MSH3: variants seen among roughly 807,000 people sequenced by gnomAD.
The protein encoded by MSH3 is DNA mismatch repair protein Msh3.
Under a neutral mutation model 123.3 loss-of-function variants are expected in MSH3, and 106 were observed. That is an observed-to-expected ratio of 0.86 (90% CI 0.73 to 1.01). MSH3 has a LOEUF of 1.01. Among genes scored for constraint, MSH3 ranks in the 50% least tolerant of loss-of-function variants. The pLI, the probability that MSH3 is intolerant of heterozygous loss-of-function variation, is 0.00. For missense variants in MSH3, 1,459 were observed against 1,347.6 expected (o/e 1.08, Z -1.29); for synonymous variants, 515 against 481.4 (o/e 1.07, Z -0.91).
At chr5:80,802,420 AC>A (rs201170046) in intron 19 of MSH3, among the ~76,000 whole-genome samples, 1,599 of 151,526 alleles carry the variant, frequency 0.011, 32 homozygotes, top group African/African-American at 0.037. Context: ...CTTTAAAAAA[AC>A]AAAACAAAAA....
intron 8 of MSH3, 91 bp from the exon 9 acceptor site, chr5:80,725,362 C>CG: frequency 2.7e-6 from 2 of 741,674 alleles, no homozygotes; most frequent in Non-Finnish European, 4.5e-6. Flanking sequence ...AAATCTTTAT[C>CG]TTTTTTTTTT....
At chr5:80,656,331 G>T in intron 1 of MSH3, 80 bp from the exon 2 acceptor site, 1 of 1,572,542 alleles carries the variant, frequency 6.4e-7, no homozygotes. Flanking sequence ...TCATTCAGTT[G>T]TAAGGTTTAA....
chr5:80,842,629 T>C (rs1442436451), intron 20 of MSH3, among the ~76,000 whole-genome samples: 2 of 152,204 alleles, frequency 1.3e-5, no homozygotes, highest in Non-Finnish European at 2.9e-5. Context: ...TTCACATCCC[T>C]TGTAAGTTGT....
intron 15 of MSH3, among the ~76,000 whole-genome samples, chr5:80,769,382 C>T (rs1744177952): frequency 6.6e-6 from 1 of 151,960 alleles, no homozygotes; most frequent in Non-Finnish European, 1.5e-5. Context: ...TTGATTGGCT[C>T]ATACAGTGAT....
intron 12 of MSH3, among the ~76,000 whole-genome samples, 171 bp from the exon 13 acceptor site, chr5:80,761,375 C>A (rs895628459): frequency 2.6e-5 from 4 of 152,126 alleles, no homozygotes; most frequent in Admixed American, 1.3e-4. Context: ...ATGCATACGC[C>A]CATTGGAGTT....
chr5:80,828,072 C>T (rs892394595), intron 20 of MSH3, among the ~76,000 whole-genome samples: 4 of 152,090 alleles, frequency 2.6e-5, no homozygotes, highest in African/African-American at 7.2e-5. Flanking sequence ...ATCATTACCA[C>T]CCAAAGTCCA....
At chr5:80,835,770 C>A (rs1745497011) in intron 20 of MSH3, among the ~76,000 whole-genome samples, 1 of 152,014 alleles carries the variant, frequency 6.6e-6, no homozygotes, top group African/African-American at 2.4e-5. Context: ...CAAAAACTAG[C>A]TGGGCATGGT....
chr5:80,697,140 C>A (rs1051621115), intron 8 of MSH3, among the ~76,000 whole-genome samples: 2 of 152,158 alleles, frequency 1.3e-5, no homozygotes, highest in Non-Finnish European at 2.9e-5. Flanking sequence ...GAAGCTTGCC[C>A]TTTCTTGTTT....
At chr5:80,659,240 A>G (rs1023502739) in intron 2 of MSH3, among the ~76,000 whole-genome samples, 7 of 152,134 alleles carry the variant, frequency 4.6e-5, no homozygotes, top group African/African-American at 1.2e-4. Flanking sequence ...TCTCAAAAAA[A>G]AAAAAAAAGA....
At chr5:80,824,332 T>A (rs1432621795) in intron 20 of MSH3, among the ~76,000 whole-genome samples, 1 of 147,838 alleles carries the variant, frequency 6.8e-6, no homozygotes, top group Non-Finnish European at 1.5e-5. Flanking sequence ...GCCCCCCACC[T>A]CCCTCCCGGA....
At chr5:80,811,775 CAT>C (rs1355581508) in intron 19 of MSH3, among the ~76,000 whole-genome samples, 2 of 149,370 alleles carry the variant, frequency 1.3e-5, no homozygotes, top group African/African-American at 2.5e-5. Context: ...AGGAGATAGA[CAT>C]ATTAAAAAAG....
rs2112884480 is a variant in MSH3 at position 80,768,068 on chromosome 5, C to T, written c.2032C>T (p.Leu678Phe). Reference protein sequence around the residue: ...LRTVILEIPELLSPVEHYLKI... With the variant: ...LRTVILEIPEFLSPVEHYLKI... The stretch of plus-strand genomic sequence containing the variant: ...GACCGTTATTTTAGAAATTCCTGAA[C>T]TCCTCAGTCCAGTGGAGCATTACTT... Residue 678 changes from leucine (L) to phenylalanine (F), a missense_variant, in exon 14 of 24, where the codon CTC (leucine) becomes TTC (phenylalanine). Physicochemically the swap from Leu to Phe is conservative, Grantham distance 22. Transcript: ENST00000265081. 6.2e-7 allele frequency: 1 copy of T among 1,613,744 alleles called. No homozygotes were observed. The highest frequency in any genetic ancestry group is 1.3e-5 in the African/African-American group (1 of 75,004).
chr5:80,761,556 G>A lies in MSH3; in HGVS notation c.1774G>A (p.Ala592Thr). The A allele has an allele frequency of 6.2e-7, 1 of 1,613,998 alleles. No homozygotes were observed. Among genetic ancestry groups the A allele is most frequent in the South Asian group, 1.1e-5 (1 of 91,068 alleles). The change falls in exon 13 of 24, where the codon GCC becomes ACC. Residue 592 changes from alanine to threonine, a missense_variant. Coordinates refer to ENST00000265081, the MANE Select transcript of MSH3 (RefSeq NM_002439.5). ...QPLLKLREIN[A>T]RLDAVSEVLH... is the part of the protein sequence containing the mutation. ...ACTCTTTTCTCACAGGGAAATAAAT[G>A]CCCGGCTTGATGCTGTATCGGAAGT... is the stretch of plus-strand genomic sequence containing the variant.
chr5:80,660,193 C>CTTTT (rs1231976014), intron 2 of MSH3, among the ~76,000 whole-genome samples: 1 of 141,102 alleles, frequency 7.1e-6, no homozygotes, highest in Non-Finnish European at 1.6e-5. Context: ...AAAGGCACTT[C>CTTTT]TTTTTTTTTT....
intron 12 of MSH3, among the ~76,000 whole-genome samples, chr5:80,751,838 A>G (rs1743845505): frequency 6.6e-6 from 1 of 152,162 alleles, no homozygotes; most frequent in East Asian, 1.9e-4. Context: ...AAATAGGCCC[A>G]TTATTTCCAG....
intron 8 of MSH3, among the ~76,000 whole-genome samples, chr5:80,701,040 C>T (rs186480117): frequency 5.8e-4 from 88 of 152,272 alleles, no homozygotes; most frequent in African/African-American, 1.9e-3. Context: ...GCTAAAGCGT[C>T]TTGTCCTCAT....
At chr5:80,808,786 AAT>A (rs1164431030) in intron 19 of MSH3, among the ~76,000 whole-genome samples, 2 of 149,560 alleles carry the variant, frequency 1.3e-5, no homozygotes, top group Non-Finnish European at 3.0e-5. Flanking sequence ...CAATATAAAA[AAT>A]GTTATTCCTT....
intron 18 of MSH3, among the ~76,000 whole-genome samples, chr5:80,791,002 C>CT (rs1391582764): frequency 1.3e-5 from 2 of 152,116 alleles, no homozygotes; most frequent in Non-Finnish European, 2.9e-5. Context: ...AAAATGAACT[C>CT]TGTTATTCTC....
At chr5:80,792,872 C>A in intron 19 of MSH3, 28 bp downstream of exon 19, 1 of 1,394,572 alleles carries the variant, frequency 7.2e-7, no homozygotes, top group South Asian at 1.2e-5. Context: ...AAAAATAAGT[C>A]GATGATAACA....
Sources: allele counts gnomAD v4.1 joint callset (sites outside exome capture counted in the v4.1 genomes callset), GRCh38; gene constraint gnomAD v4.1.1; transcripts MANE v1.5; gene names NCBI Gene and HGNC (gene_info 2026-07-23, HGNC 2026-07-21).